Variants in A4GALT observed in about 807,000 individuals in gnomAD.
A4GALT encodes the protein lactosylceramide 4-alpha-galactosyltransferase.
For missense variants in A4GALT, 512 were observed against 486.0 expected, an observed-to-expected ratio of 1.05 and a Z score of -0.50; for synonymous variants, 257 against 220.7, an observed-to-expected ratio of 1.16 and a Z score of -1.46.
chr22:42,699,994 G>A (rs1259903028), intron 1 of A4GALT, among the ~76,000 whole-genome samples: 1 of 152,132 alleles, frequency 6.6e-6, no homozygotes, highest in Admixed American at 6.6e-5. Flanking sequence ...TCTTCTCATC[G>A]ACTGGTTCTG....
chr22:42,693,180 A>G lies in A4GALT; in HGVS notation c.772T>C (p.Phe258Leu). 6.3e-7 allele frequency: 1 copy of G among 1,597,960 alleles called. No individual in the cohort carries two copies. Residue 258 changes from phenylalanine to leucine, a missense_variant, in exon 3 of 3, where the codon TTC becomes CTC. Transcript: ENST00000642412. The part of the protein sequence containing the change: ...HQGPQLLTRV[F>L]KKWCSIRSLA... The stretch of plus-strand genomic sequence containing the variant: ...CTGCGGATGGAACACCACTTCTTGA[A>G]GACCCGCGTGAGCAGCTGCGGGCCC...
At chr22:42,696,506 G>A (rs538141860) in intron 1 of A4GALT, among the ~76,000 whole-genome samples, 1 of 152,040 alleles carries the variant, frequency 6.6e-6, no homozygotes, top group South Asian at 2.1e-4. Context: ...TAAGCACCAA[G>A]GATGAGCAGG....
intron 1 of A4GALT, among the ~76,000 whole-genome samples, chr22:42,717,940 G>A (rs1395590873): frequency 1.3e-5 from 2 of 152,108 alleles, no homozygotes; most frequent in African/African-American, 2.4e-5. Flanking sequence ...TTCATTTCTA[G>A]GAAATACGAA....
chr22:42,704,409 C>A (rs1395359599), intron 1 of A4GALT, among the ~76,000 whole-genome samples: 1 of 151,900 alleles, frequency 6.6e-6, no homozygotes, highest in African/African-American at 2.4e-5. Flanking sequence ...ATTGCTTAAA[C>A]CTGGTAGGCG....
chr22:42,716,123 C>T (rs899049756), intron 1 of A4GALT, among the ~76,000 whole-genome samples: 11 of 152,162 alleles, frequency 7.2e-5, no homozygotes, highest in African/African-American at 2.4e-4. Context: ...TGAACCACTG[C>T]GCCCGGCCTC....
intron 1 of A4GALT, among the ~76,000 whole-genome samples, chr22:42,712,763 G>C (rs561842944): frequency 6.6e-6 from 1 of 152,282 alleles, no homozygotes; most frequent in South Asian, 2.1e-4. Context: ...ACAAAAATTG[G>C]CTGGGCGTGG....
rs1930491630 is a variant in A4GALT at position 42,692,326 on chromosome 22, A to G, written c.*564T>C. ...GGGTGGGCAGAAGGGGCTGCCCCCA[A>G]ACGGCTCCCCAGGCTGGCACTTCTG... On this transcript the variant is annotated 3_prime_UTR_variant, in exon 3 of 3. Transcript: ENST00000642412. The surrounding 1 kb of genome is among the most constrained non-coding windows in gnomAD (Gnocchi z 4.6). 1 of 266,180 alleles carries G rather than the reference A, an allele frequency of 3.8e-6. No individual in the cohort carries two copies. Among genetic ancestry groups the G allele is most frequent in the Non-Finnish European group, 7.4e-6 (1 of 135,240 alleles). 16.5% of individuals were successfully genotyped at this position (266,180 alleles called of 1,614,324 possible).
chr22:42,700,905 A>G (rs983180753), intron 1 of A4GALT, among the ~76,000 whole-genome samples: 1 of 152,140 alleles, frequency 6.6e-6, no homozygotes, highest in Admixed American at 6.5e-5. Context: ...GAAGTGAAGG[A>G]CCACTCAGGA....
intron 1 of A4GALT, among the ~76,000 whole-genome samples, chr22:42,706,084 G>A (rs6002915): frequency 0.34 from 36,759 of 108,294 alleles, 13,585 homozygotes; most frequent in African/African-American, 0.74. Flanking sequence ...GGCCGGGTGC[G>A]GTGGCTCACG....
chr22:42,711,393 A>T (rs78672238), intron 1 of A4GALT, among the ~76,000 whole-genome samples: 4 of 152,232 alleles, frequency 2.6e-5, no homozygotes, highest in East Asian at 1.9e-4. Flanking sequence ...AACAACATCT[A>T]TCTCACTCTG....
chr22:42,700,042 C>T (rs557518454), intron 1 of A4GALT, among the ~76,000 whole-genome samples: 2 of 152,338 alleles, frequency 1.3e-5, no homozygotes, highest in South Asian at 4.1e-4. Context: ...GGGGCCTACA[C>T]CAACACTGGC....
chr22:42,720,690 C>T (rs1023460949), intron 1 of A4GALT, 107 bp downstream of exon 1: 38 of 152,150 alleles, frequency 2.5e-4, no homozygotes, highest in Non-Finnish European at 4.7e-4. Context: ...GGCGGCCCAG[C>T]CCCTCCGCCC....
chr22:42,707,914 C>A lies in A4GALT; in HGVS notation c.-187-12283G>T, dbSNP rs566291592. Among the ~76,000 whole-genome samples, 3 of 143,392 alleles carry A rather than the reference C, an allele frequency of 2.1e-5. No homozygotes were observed. The East Asian group carries it at 6.6e-4, about 31-fold the overall frequency. 94.1% of individuals were successfully genotyped at this position (143,392 alleles called of 152,430 possible). On this transcript the variant is annotated intron_variant, in intron 1 of 2. Coordinates refer to ENST00000642412, the MANE Select transcript of A4GALT (RefSeq NM_017436.7). ...TTTTGGGAGGCTGGGGTGGGAGGAT[C>A]GTTTGAGACCAGCCTGGGCACCACA...
At chr22:42,696,496 T>A (rs1048816144) in intron 1 of A4GALT, among the ~76,000 whole-genome samples, 5 of 151,242 alleles carry the variant, frequency 3.3e-5, no homozygotes, top group Non-Finnish European at 7.4e-5. Flanking sequence ...GACACATGGT[T>A]AAGCACCAAG....
chr22:42,707,802 C>G (rs1921285309), intron 1 of A4GALT, among the ~76,000 whole-genome samples: 1 of 151,828 alleles, frequency 6.6e-6, no homozygotes, highest in African/African-American at 2.4e-5. Context: ...AATAAAGCAC[C>G]AGTTTAAAAA....
chr22:42,718,451 TG>T (rs10713068), intron 1 of A4GALT: 85,012 of 151,700 alleles, frequency 0.56, 24,163 homozygotes, highest in East Asian at 0.83. Context: ...TTAGTGGAGA[TG>T]GGGGGTTTCA....
chr22:42,715,168 C>T (rs975416911), intron 1 of A4GALT, among the ~76,000 whole-genome samples: 11 of 152,002 alleles, frequency 7.2e-5, no homozygotes, highest in Non-Finnish European at 1.5e-4. Flanking sequence ...GTGTGACTTA[C>T]GTCTTAGAGA....
intron 1 of A4GALT, among the ~76,000 whole-genome samples, chr22:42,704,539 G>A (rs1464572004): frequency 6.6e-6 from 1 of 151,406 alleles, no homozygotes; most frequent in Non-Finnish European, 1.5e-5. Flanking sequence ...AGGGCTGAAG[G>A]GCTGTTTGTA....
chr22:42,706,212 A>G lies in A4GALT; in HGVS notation c.-187-10581T>C, dbSNP rs567778721. Among the ~76,000 whole-genome samples, 949 of 149,396 alleles carry G rather than the reference A, an allele frequency of 6.4e-3. 21 individuals carry two copies. Among genetic ancestry groups the G allele is most frequent in the African/African-American group, 0.021 (867 of 40,542 alleles). On this transcript the variant is annotated intron_variant, in intron 1 of 2. Coordinates refer to ENST00000642412, the MANE Select transcript of A4GALT (RefSeq NM_017436.7). ...CTACTAAAAATACAAAAAATTAGCC[A>G]GGCGTGGTGGCGGGCACCTATAGTC... is the stretch of plus-strand genomic sequence containing the variant.
Sources: allele counts gnomAD v4.1 joint callset (sites outside exome capture counted in the v4.1 genomes callset), GRCh38; gene constraint gnomAD v4.1.1; non-coding constraint Gnocchi (gnomAD v3.1); transcripts MANE v1.5; gene names NCBI Gene and HGNC (gene_info 2026-07-23, HGNC 2026-07-21).